Variants in GRPR observed in about 807,000 individuals in gnomAD.
GRPR encodes gastrin-releasing peptide receptor.
In GRPR, 4 loss-of-function variants were observed where a neutral mutation model predicts 15.6. The ratio of observed to expected loss-of-function variants is 0.26; its 90% confidence interval spans 0.13 to 0.59. GRPR has a LOEUF of 0.59. Ranked by LOEUF, GRPR falls within the 20% of genes least tolerant of loss-of-function variation. The pLI is 0.90. For missense variants in GRPR, 270 were observed against 304.1 expected (o/e 0.89, Z 0.83); for synonymous variants, 128 against 126.8 (o/e 1.01, Z -0.06).
intron 1 of GRPR, 24 bp downstream of exon 1, chrX:16,124,390 T>C: frequency 5.1e-6 from 6 of 1,183,768 alleles, no homozygotes; most frequent in Non-Finnish European, 6.9e-6. Flanking sequence ...GAAAGTTACA[T>C]GCTCTCCAAG....
At chrX:16,148,405 T>C (rs1922638794) in intron 1 of GRPR, among the ~76,000 whole-genome samples, 1 of 111,407 alleles carries the variant, frequency 9.0e-6, no homozygotes, top group Admixed American at 9.5e-5. Flanking sequence ...TTTCCCAAAC[T>C]TGCCACTGAA....
chrX:16,131,399 G>A (rs1922374877), intron 1 of GRPR, among the ~76,000 whole-genome samples: 1 of 111,964 alleles, frequency 8.9e-6, no homozygotes, highest in South Asian at 3.7e-4. Flanking sequence ...CCTGTAGGAG[G>A]TCTTCCTTGG....
rs1050828678 is a variant in GRPR at position 16,124,078 on chromosome X, T to C, written c.125T>C (p.Val42Ala). The change falls in exon 1 of 3, where the codon GTC becomes GCC. Residue 42 changes from valine to alanine, a missense_variant. Around this residue, in one of 3 missense-constraint regions of GRPR, gnomAD observed 115 missense variants for 128.8 expected, o/e 0.89. Coordinates refer to ENST00000380289, the MANE Select transcript of GRPR (RefSeq NM_005314.3). ...DDWSHPGILY[V>A]IPAVYGVIIL... The stretch of plus-strand genomic sequence containing the variant: ...TGGTCCCACCCGGGGATCCTCTATG[T>C]CATCCCTGCAGTTTATGGGGTTATC... The C allele has an allele frequency of 4.1e-6, 5 of 1,208,982 alleles. No homozygotes were observed. The highest frequency in any genetic ancestry group is 3.4e-6 in the Non-Finnish European group (3 of 892,827).
rs746491604 is a variant in GRPR at position 16,124,040 on chromosome X, C to T, written c.87C>T (p.Pro29=). 49 of 1,201,730 alleles carry T rather than the reference C, an allele frequency of 4.1e-5. 2 individuals carry two copies. In the Admixed American group the frequency reaches 8.3e-4, roughly 20 times the overall value. ...CNISSHSADL[P]VNDDWSHPGI... is the part of the protein sequence containing the mutation. ...TCTCCAGTCACAGTGCGGATCTCCC[C>T]GTGAACGATGACTGGTCCCACCCGG... Residue 29 remains proline, a synonymous_variant, in exon 1 of 3, where the codon CCC becomes CCT. Transcript: ENST00000380289.
intron 1 of GRPR, among the ~76,000 whole-genome samples, chrX:16,131,808 A>G (rs920267959): frequency 8.9e-6 from 1 of 112,445 alleles, no homozygotes; most frequent in African/African-American, 3.2e-5. Context: ...TTGTTTATCC[A>G]TTCTCCGGTT....
In GRPR at chrX:16,152,342, C is replaced by T. The variant is rs1227281063; in HGVS notation, c.852C>T (p.Tyr284=). The T allele has an allele frequency of 4.1e-6, 5 of 1,206,066 alleles. No individual in the cohort carries two copies. Among genetic ancestry groups the T allele is most frequent in the Admixed American group, 2.2e-5 (1 of 45,774 alleles). ...GCTGGCTCCCCAATCATGTCATCTA[C>T]CTGTACCGCTCCTACCACTACTCTG... is the stretch of plus-strand genomic sequence containing the variant. The part of the protein sequence containing the change: ...AFCWLPNHVI[Y]LYRSYHYSEV... The change falls in exon 3 of 3, where the codon TAC becomes TAT. Residue 284 remains tyrosine, a synonymous_variant. Transcript: ENST00000380289.
intron 1 of GRPR, among the ~76,000 whole-genome samples, chrX:16,149,647 A>C (rs939630391): frequency 2.2e-5 from 1 of 45,137 alleles, no homozygotes; most frequent in Admixed American, 2.1e-4. Context: ...GGTTTTGCCA[A>C]AAAAAAAAAA....
rs149410003 is a variant in GRPR at position 16,132,720 on chromosome X, A to G, written c.413+8354A>G. On this transcript the variant is annotated intron_variant, in intron 1 of 2. Coordinates refer to ENST00000380289, the MANE Select transcript of GRPR (RefSeq NM_005314.3). ...TATCTCATTATTGGTAGTGTCATATATATGTTTAGGATTAACATCAAACTT... is the reference window on the plus strand; with the variant it reads ...TATCTCATTATTGGTAGTGTCATATGTATGTTTAGGATTAACATCAAACTT... Among the ~76,000 whole-genome samples the G allele has an allele frequency of 7.2e-3, 802 of 111,914 alleles. 11 individuals carry two copies. The highest frequency in any genetic ancestry group is 0.025 in the African/African-American group (774 of 30,904).
intron 1 of GRPR, among the ~76,000 whole-genome samples, chrX:16,140,954 T>G (rs1297171186): frequency 1.8e-5 from 2 of 112,129 alleles, no homozygotes; most frequent in African/African-American, 3.2e-5. Context: ...TCTTCTTTGC[T>G]ACGCAGTAAA....
In GRPR at chrX:16,152,933, T is replaced by C. The variant is rs1922739418; in HGVS notation, c.*288T>C. The C allele has an allele frequency of 8.6e-6, 3 of 349,675 alleles. No individual in the cohort carries two copies. The highest frequency in any genetic ancestry group is 1.0e-5 in the Non-Finnish European group (2 of 198,213). The allele number at this position is 349,675 out of a possible 1,213,427, so 28.8% of individuals were successfully genotyped here. On this transcript the variant is annotated 3_prime_UTR_variant, in exon 3 of 3. Coordinates refer to ENST00000380289, the MANE Select transcript of GRPR (RefSeq NM_005314.3). ...AAATTATTTTTTAAGCCTCAAGCCC[T>C]GTTAAATGGTCGTGGCCAATTATGT...
chrX:16,137,074 G>A (rs16980274), intron 1 of GRPR, among the ~76,000 whole-genome samples: 3,825 of 110,571 alleles, frequency 0.035, 162 homozygotes, highest in African/African-American at 0.12. Flanking sequence ...GGGAATCCAC[G>A]ACCCCTTTCC....
Position 16,124,357 on chromosome X carries a change from C to A in GRPR, c.404C>A (p.Ser135Ter). ...TCTGTCTTCACACTCACGGCGCTCT[C>A]GGCAGACAGGTAAGTACAGGCTGAA... is the stretch of plus-strand genomic sequence containing the variant. Reference protein sequence around the residue: ...GVSVFTLTALSADRYKAIVRP... With the variant: ...GVSVFTLTAL Residue 135 changes from serine (S) to a stop codon, truncating the protein, a stop_gained, in exon 1 of 3, where the codon TCG becomes TAG. Transcript: ENST00000380289. LOFTEE classifies it high-confidence loss of function. The A allele has an allele frequency of 8.3e-7, 1 of 1,208,485 alleles. No homozygotes were observed. The highest frequency in any genetic ancestry group is 1.1e-6 in the Non-Finnish European group (1 of 892,901).
Position 16,150,554 on chromosome X carries a change from T to C in GRPR, c.663T>C (p.Ile221=), listed in dbSNP as rs4986946. ...CTTCCTTTCTGGTCTTCTACGTCATTCCACTGTCGATCATCTCTGTTTACT... is the reference window on the plus strand; with the variant it reads ...CTTCCTTTCTGGTCTTCTACGTCATCCCACTGTCGATCATCTCTGTTTACT... ...SMASFLVFYV[I]PLSIISVYYY... Residue 221 remains isoleucine (I), a synonymous_variant, in exon 2 of 3, where the codon ATT becomes ATC. Coordinates refer to ENST00000380289, the MANE Select transcript of GRPR (RefSeq NM_005314.3). 416,128 of 1,195,659 alleles carry C rather than the reference T, an allele frequency of 0.35. 53,294 individuals are homozygous for C. Among genetic ancestry groups the C allele is most frequent in the African/African-American group, 0.68 (38,628 of 56,433 alleles).
At chrX:16,129,140 A>T (rs778534181) in intron 1 of GRPR, among the ~76,000 whole-genome samples, 3 of 112,211 alleles carry the variant, frequency 2.7e-5, no homozygotes, top group Admixed American at 1.9e-4. Context: ...TTCTATGGAA[A>T]GACTGGTTAT....
At position 16,124,151 on chromosome X, in the gene GRPR, T is replaced by C. The variant is rs765898530; in HGVS notation, c.198T>C (p.Cys66=). 2 of 1,208,152 alleles carry C rather than the reference T, an allele frequency of 1.7e-6. No homozygotes were observed. Among genetic ancestry groups the C allele is most frequent in the East Asian group, 5.9e-5 (2 of 33,841 alleles). ...ACATCACTTTGATCAAGATCTTCTG[T>C]ACAGTCAAGTCCATGCGAAACGTTC... ...IGNITLIKIF[C]TVKSMRNVPN... The change falls in exon 1 of 3, where the codon TGT becomes TGC. Residue 66 remains cysteine, a synonymous_variant. Coordinates refer to ENST00000380289, the MANE Select transcript of GRPR (RefSeq NM_005314.3).
At chrX:16,126,266 G>C (rs1922289704) in intron 1 of GRPR, among the ~76,000 whole-genome samples, 1 of 112,003 alleles carries the variant, frequency 8.9e-6, no homozygotes, top group Non-Finnish European at 1.9e-5. Flanking sequence ...TCTTTAAAAA[G>C]CTGATGGATC....
At chrX:16,136,246 G>A (rs1436805407) in intron 1 of GRPR, among the ~76,000 whole-genome samples, 1 of 111,568 alleles carries the variant, frequency 9.0e-6, no homozygotes, top group Non-Finnish European at 1.9e-5. Context: ...TTTGTGATTA[G>A]ACGTTGACTC....
chrX:16,129,089 G>C (rs1922339339), intron 1 of GRPR, among the ~76,000 whole-genome samples: 2 of 112,467 alleles, frequency 1.8e-5, no homozygotes, highest in Admixed American at 1.9e-4. Context: ...TCTAAGGACA[G>C]ATGGATATGG....
chrX:16,143,105 G>A (rs1922554070), intron 1 of GRPR, among the ~76,000 whole-genome samples: 1 of 110,773 alleles, frequency 9.0e-6, no homozygotes, highest in Non-Finnish European at 1.9e-5. Context: ...AAAAGTTGGG[G>A]AATTATTTAT....
Sources: gnomAD v4.1 joint callset for allele counts (sites outside exome capture counted in the v4.1 genomes callset) on GRCh38, gnomAD v4.1.1 for gene constraint, gnomAD v4.1.1 regional missense constraint, MANE v1.5 for transcripts, NCBI Gene and HGNC (gene_info 2026-07-23, HGNC 2026-07-21) for gene names.